The following LRRTM4 variants were observed in gnomAD, a reference collection of about 807,000 sequenced individuals.
LRRTM4 encodes the protein leucine rich repeat transmembrane neuronal 4.
In LRRTM4, 25 loss-of-function variants were observed where a neutral mutation model predicts 47.6. The observed-to-expected ratio is 0.53, with a 90% confidence interval of 0.38 to 0.73. LRRTM4 has a LOEUF of 0.73. Among genes scored for constraint, LRRTM4 ranks in the 30% least tolerant of loss-of-function variants. LRRTM4 has a pLI of 0.00. For synonymous variants in LRRTM4, 311 were observed against 269.5 expected (o/e 1.15, Z -1.51); for missense variants, 638 against 713.4 (o/e 0.89, Z 1.20).
chr2:77,162,980 A>G (rs1221830120), intron 3 of LRRTM4, among the ~76,000 whole-genome samples: 2 of 152,232 alleles, frequency 1.3e-5, no homozygotes, highest in Non-Finnish European at 2.9e-5. Flanking sequence ...AATGACTTTG[A>G]TGAGTTGAGA....
At chr2:76,757,603 A>T (rs74560700) in intron 3 of LRRTM4, among the ~76,000 whole-genome samples, 1 of 152,080 alleles carries the variant, frequency 6.6e-6, no homozygotes, top group Non-Finnish European at 1.5e-5. Context: ...CTAAATTAGA[A>T]CGAGTAAAGT....
chr2:77,094,013 G>C (rs957126011), intron 3 of LRRTM4, among the ~76,000 whole-genome samples: 10 of 115,248 alleles, frequency 8.7e-5, no homozygotes, highest in Non-Finnish European at 8.0e-5. Flanking sequence ...ATCTCCCTTC[G>C]CTGACTCTTT....
chr2:77,251,140 T>C (rs1675595219), intron 3 of LRRTM4, among the ~76,000 whole-genome samples: 1 of 141,094 alleles, frequency 7.1e-6, no homozygotes, highest in Non-Finnish European at 1.5e-5. Flanking sequence ...TATATATGTA[T>C]ATATATGTGT....
At chr2:76,866,598 G>T (rs76171523) in intron 3 of LRRTM4, among the ~76,000 whole-genome samples, 6,023 of 151,768 alleles carry the variant, frequency 0.04, 387 homozygotes, top group African/African-American at 0.14. Context: ...TGATTGATGT[G>T]TGATGTTGTG....
chr2:76,836,520 C>T (rs1671518622), intron 3 of LRRTM4, among the ~76,000 whole-genome samples: 1 of 151,790 alleles, frequency 6.6e-6, no homozygotes, highest in African/African-American at 2.4e-5. Context: ...TCCCCCACCC[C>T]TCGCCATTTT....
Position 77,520,853 on chromosome 2 carries a change from T to C in LRRTM4, c.4+815A>G, listed in dbSNP as rs150431593. ...TACACTGCATTTCCAAGTCATTGCA[T>C]GTTAAGGGACTTCTTTCCTCCGTCA... On this transcript the variant is annotated intron_variant, in intron 2 of 3. Transcript: ENST00000409884. Among the ~76,000 whole-genome samples, 486 of 152,004 alleles carry C rather than the reference T, an allele frequency of 3.2e-3. 2 individuals carry two copies. Among genetic ancestry groups the C allele is most frequent in the African/African-American group, 0.011 (471 of 41,542 alleles).
intron 3 of LRRTM4, among the ~76,000 whole-genome samples, chr2:77,441,252 A>G (rs1231492436): frequency 6.6e-6 from 1 of 152,212 alleles, no homozygotes; most frequent in East Asian, 1.9e-4. Context: ...TGCTTTTTAA[A>G]AACTTTAAAT....
In LRRTM4 at chr2:77,519,331, A is replaced by G; in HGVS notation, c.538T>C (p.Cys180Arg). ...KTVPIRVFQD[C>R]RNLDFLDLGY... ...AAATCCAAAAAATCAAGATTCCGAC[A>G]GTCTTGAAAAACTCTTATGGGCACA... Residue 180 changes from cysteine to arginine, a missense_variant, in exon 3 of 4, where the codon TGT becomes CGT. By Grantham distance (180) the Cys-to-Arg change is radical. Coordinates refer to ENST00000409884, the MANE Select transcript of LRRTM4 (RefSeq NM_001134745.3). The surrounding 1 kb of genome is among the most constrained non-coding windows in gnomAD (Gnocchi z 4.6). 1 of 1,613,522 alleles carries G rather than the reference A, an allele frequency of 6.2e-7. No individual in the cohort carries two copies. Among genetic ancestry groups the G allele is most frequent in the Non-Finnish European group, 8.5e-7 (1 of 1,179,616 alleles).
At chr2:76,779,962 G>C (rs1264052292) in intron 3 of LRRTM4, among the ~76,000 whole-genome samples, 1 of 151,982 alleles carries the variant, frequency 6.6e-6, no homozygotes, top group Non-Finnish European at 1.5e-5. Context: ...GCCTGGTGGT[G>C]ACAAAATCTC....
At chr2:76,993,657 G>T (rs765630632) in intron 3 of LRRTM4, among the ~76,000 whole-genome samples, 19 of 151,932 alleles carry the variant, frequency 1.3e-4, no homozygotes, top group Non-Finnish European at 2.4e-4. Flanking sequence ...GCTCTTCATG[G>T]AATGTAAATT....
intron 3 of LRRTM4, among the ~76,000 whole-genome samples, chr2:77,082,349 G>T (rs1305355571): frequency 1.3e-5 from 2 of 151,864 alleles, no homozygotes; most frequent in African/African-American, 4.8e-5. Flanking sequence ...AACTCTATGC[G>T]AGAGGGACCC....
chr2:77,186,568 A>C (rs1673510761), intron 3 of LRRTM4, among the ~76,000 whole-genome samples: 1 of 152,218 alleles, frequency 6.6e-6, no homozygotes, highest in African/African-American at 2.4e-5. Flanking sequence ...CTCAAAAAAT[A>C]AAAAATAAAA....
At chr2:77,518,032 C>A (rs1312921747) in intron 3 of LRRTM4, 67 of 1,137,186 alleles carry the variant, frequency 5.9e-5, no homozygotes, top group Non-Finnish European at 7.0e-5. Context: ...GTTTTTAAGT[C>A]CAACCCCTGT....
intron 3 of LRRTM4, among the ~76,000 whole-genome samples, chr2:77,407,179 T>C (rs564969663): frequency 2.6e-5 from 4 of 152,306 alleles, no homozygotes; most frequent in African/African-American, 9.6e-5. Context: ...GTCAGATGAA[T>C]TCACACATAT....
At chr2:76,939,884 A>C (rs749429629) in intron 3 of LRRTM4, among the ~76,000 whole-genome samples, 2 of 152,188 alleles carry the variant, frequency 1.3e-5, no homozygotes, top group Non-Finnish European at 2.9e-5. Flanking sequence ...TTCTTGCTTG[A>C]TACCACTTAA....
chr2:77,049,637 A>ATTAT (rs139838506), intron 3 of LRRTM4, among the ~76,000 whole-genome samples: 18,900 of 150,670 alleles, frequency 0.13, 1,400 homozygotes, highest in Admixed American at 0.19. Context: ...TTTAAATTAA[A>ATTAT]TTAATTTTTT....
At chr2:77,340,724 G>A (rs1157342690) in intron 3 of LRRTM4, among the ~76,000 whole-genome samples, 3 of 151,864 alleles carry the variant, frequency 2.0e-5, no homozygotes, top group Non-Finnish European at 2.9e-5. Context: ...CATGAGAAAT[G>A]ATTTCATTTT....
intron 3 of LRRTM4, among the ~76,000 whole-genome samples, chr2:77,300,130 A>G (rs908587471): frequency 4.6e-5 from 7 of 152,132 alleles, no homozygotes; most frequent in African/African-American, 1.7e-4. Context: ...AATTACAGGC[A>G]AGAGCCACTG....
At chr2:77,219,524 G>C (rs575803885) in intron 3 of LRRTM4, among the ~76,000 whole-genome samples, 37 of 152,244 alleles carry the variant, frequency 2.4e-4, no homozygotes, top group African/African-American at 8.9e-4. Context: ...CGGTACCCTT[G>C]TTTACAGTAC....
Sources: gnomAD v4.1 joint callset for allele counts (sites outside exome capture counted in the v4.1 genomes callset) on GRCh38, gnomAD v4.1.1 for gene constraint, Gnocchi (gnomAD v3.1) non-coding constraint, MANE v1.5 for transcripts, NCBI Gene and HGNC (gene_info 2026-07-23, HGNC 2026-07-21) for gene names.